The following C12orf42 variants were observed in gnomAD, a reference collection of about 807,000 sequenced individuals.
C12orf42 encodes uncharacterized protein C12orf42.
In C12orf42, 25 loss-of-function variants were observed where a neutral mutation model predicts 21.6. The ratio of observed to expected loss-of-function variants is 1.16; its 90% CI spans 0.84 to 1.62. The LOEUF (loss-of-function observed/expected upper bound fraction) is 1.62, where lower values mean the gene tolerates loss of function less well. Ranked by LOEUF, C12orf42 falls within the 40% of genes most tolerant of loss-of-function variation. The probability of loss-of-function intolerance (pLI) is 0.00; values close to 1 mark genes in which losing one functional copy is unlikely to be tolerated. For synonymous variants in C12orf42, 174 were observed against 175.0 expected (o/e 0.99, Z 0.05); for missense variants, 483 against 459.3 (o/e 1.05, Z -0.47).
chr12:103,064,829 T>G, the C12orf42 span, among the ~76,000 whole-genome samples: 1 of 152,178 alleles, frequency 6.6e-6, no homozygotes. Context: ...CAAAACATCA[T>G]TGTGATCCTC....
chr12:103,259,038 G>A (rs2034760492), intron 10 of C12orf42, among the ~76,000 whole-genome samples: 1 of 152,126 alleles, frequency 6.6e-6, no homozygotes, highest in African/African-American at 2.4e-5. Context: ...AGAAAGTTGT[G>A]GTAATTAAGA....
downstream of C12orf42, among the ~76,000 whole-genome samples, chr12:103,299,583 G>T (rs1340152885): frequency 6.6e-6 from 1 of 152,080 alleles, no homozygotes; most frequent in Non-Finnish European, 1.5e-5. Flanking sequence ...ACCACATAAA[G>T]AAATAAAGGA....
the C12orf42 span, among the ~76,000 whole-genome samples, chr12:103,129,404 T>G: frequency 6.6e-6 from 1 of 152,134 alleles, no homozygotes; most frequent in Admixed American, 6.5e-5. Context: ...AGGAAAGATA[T>G]GAAAGAGGGG....
At chr12:103,333,087 C>T (rs764744228) in intron 4 of C12orf42, among the ~76,000 whole-genome samples, 7 of 152,202 alleles carry the variant, frequency 4.6e-5, no homozygotes, top group Non-Finnish European at 8.8e-5. Context: ...GAGTGATGGA[C>T]ATTCGCCTAA....
chr12:103,502,934 G>C, the C12orf42 span, among the ~76,000 whole-genome samples: 1 of 152,166 alleles, frequency 6.6e-6, no homozygotes, highest in African/African-American at 2.4e-5. Flanking sequence ...AGTGATGTAG[G>C]ATACTACAAA....
At chr12:103,296,139 T>C (rs2037265482) in intron 4 of C12orf42, among the ~76,000 whole-genome samples, 1 of 151,904 alleles carries the variant, frequency 6.6e-6, no homozygotes, top group South Asian at 2.1e-4. Context: ...TTGTGATAGT[T>C]TGCTGAGAAT....
the C12orf42 span, among the ~76,000 whole-genome samples, chr12:103,225,607 G>C: frequency 6.6e-6 from 1 of 152,130 alleles, no homozygotes; most frequent in Admixed American, 6.5e-5. Context: ...CTGTAGTCCA[G>C]GAATAGTCAG....
At chr12:103,507,716 C>A in the C12orf42 span, among the ~76,000 whole-genome samples, 1 of 151,804 alleles carries the variant, frequency 6.6e-6, no homozygotes, top group Non-Finnish European at 1.5e-5. Context: ...ATAAAGTCAA[C>A]CTTTCATCGA....
At chr12:103,479,591 T>A (rs1029968276) in intron 1 of C12orf42, among the ~76,000 whole-genome samples, 1 of 152,116 alleles carries the variant, frequency 6.6e-6, no homozygotes, top group Admixed American at 6.6e-5. Flanking sequence ...TGTAGATGTC[T>A]TTATCAAGTA....
chr12:103,151,716 C>T, the C12orf42 span: 1 of 152,096 alleles, frequency 6.6e-6, no homozygotes, highest in African/African-American at 2.4e-5. Context: ...GGTAACAACT[C>T]TTGGGTAACC....
chr12:103,249,482 T>C (rs1430294896), intron 10 of C12orf42, among the ~76,000 whole-genome samples: 1 of 152,056 alleles, frequency 6.6e-6, no homozygotes, highest in African/African-American at 2.4e-5. Context: ...AAAATAATTT[T>C]AGTTTCAACT....
the C12orf42 span, among the ~76,000 whole-genome samples, chr12:103,535,142 A>G: frequency 3.3e-5 from 5 of 152,314 alleles, no homozygotes; most frequent in South Asian, 8.3e-4. Context: ...GCAGGCCAAC[A>G]TTTTGGAGTA....
the C12orf42 span, among the ~76,000 whole-genome samples, chr12:103,067,220 C>T: frequency 9.2e-5 from 14 of 152,312 alleles, no homozygotes; most frequent in African/African-American, 3.4e-4. Context: ...TTTGCCTATC[C>T]TGCACCCAAT....
the C12orf42 span, among the ~76,000 whole-genome samples, chr12:103,532,409 T>A: frequency 6.6e-6 from 1 of 152,238 alleles, no homozygotes; most frequent in African/African-American, 2.4e-5. Context: ...ATGCTTTGAT[T>A]AGAAATATGT....
At chr12:103,404,773 GA>G (rs761277358) in intron 2 of C12orf42, among the ~76,000 whole-genome samples, 1 of 152,132 alleles carries the variant, frequency 6.6e-6, no homozygotes, top group Non-Finnish European at 1.5e-5. Flanking sequence ...GGCAAGTTAT[GA>G]AAAAATAGGA....
the C12orf42 span, among the ~76,000 whole-genome samples, chr12:103,166,438 A>T: frequency 3.3e-5 from 5 of 152,194 alleles, no homozygotes; most frequent in Non-Finnish European, 5.9e-5. Context: ...ATTTTATTCC[A>T]CTTGATTTTC....
At chr12:103,364,247 T>A (rs9669410) in intron 4 of C12orf42, among the ~76,000 whole-genome samples, 3 of 152,048 alleles carry the variant, frequency 2.0e-5, no homozygotes, top group Admixed American at 2.0e-4. Context: ...TGAATGACCA[T>A]TGGGTCAACA....
the C12orf42 span, among the ~76,000 whole-genome samples, chr12:103,048,894 T>C: frequency 6.6e-6 from 1 of 152,190 alleles, no homozygotes; most frequent in Non-Finnish European, 1.5e-5. Flanking sequence ...CCATTTCATA[T>C]GGCTCTGCAC....
At chr12:103,529,078 C>T in the C12orf42 span, among the ~76,000 whole-genome samples, 2 of 151,978 alleles carry the variant, frequency 1.3e-5, no homozygotes, top group East Asian at 1.9e-4. Flanking sequence ...CGAAAAAAAA[C>T]GCCATTGCAA....
Sources: allele counts gnomAD v4.1 joint callset (sites outside exome capture counted in the v4.1 genomes callset), GRCh38; gene constraint gnomAD v4.1.1; transcripts MANE v1.5; gene names NCBI Gene and HGNC (gene_info 2026-07-23, HGNC 2026-07-21).